Variants in GALNT13 observed in about 807,000 individuals in gnomAD.
The protein encoded by GALNT13 is polypeptide N-acetylgalactosaminyltransferase 13, also known as UDP-GalNAc:polypeptide N-acetylgalactosaminyltransferase 13.
Under a neutral mutation model 64.2 loss-of-function variants are expected in GALNT13, and 28 were observed. The observed-to-expected ratio is 0.44, with a 90% CI of 0.32 to 0.60. GALNT13 has a LOEUF of 0.60. GALNT13 is among the 20% of genes least tolerant of loss of function. GALNT13 has a pLI of 0.05. For missense variants in GALNT13, 577 were observed against 669.8 expected (o/e 0.86, Z 1.53); for synonymous variants, 214 against 224.6 (o/e 0.95, Z 0.42).
chr2:153,936,849 T>C (rs1690963793), intron 2 of GALNT13, among the ~76,000 whole-genome samples: 1 of 151,996 alleles, frequency 6.6e-6, no homozygotes, highest in African/African-American at 2.4e-5. Flanking sequence ...GCCTCCTGAG[T>C]AGCTGGGACT....
the GALNT13 span, among the ~76,000 whole-genome samples, chr2:153,250,393 A>C: frequency 6.6e-6 from 1 of 152,222 alleles, no homozygotes; most frequent in African/African-American, 2.4e-5. Context: ...CAGATGCTGG[A>C]GAGGATGTGG....
chr2:153,972,355 G>T (rs1389453874), intron 3 of GALNT13, among the ~76,000 whole-genome samples: 1 of 152,038 alleles, frequency 6.6e-6, no homozygotes, highest in Admixed American at 6.6e-5. Flanking sequence ...ATATTGATGT[G>T]ACACTAAGAA....
chr2:153,764,145 A>G, the GALNT13 span, among the ~76,000 whole-genome samples: 1 of 152,216 alleles, frequency 6.6e-6, no homozygotes, highest in Non-Finnish European at 1.5e-5. Flanking sequence ...AGAGATTGGC[A>G]TCATTTCTCC....
At chr2:153,430,203 C>T in the GALNT13 span, among the ~76,000 whole-genome samples, 6 of 151,950 alleles carry the variant, frequency 3.9e-5, no homozygotes, top group African/African-American at 1.4e-4. Flanking sequence ...TACTTTGAAC[C>T]CTAGAGCACA....
At chr2:153,196,605 G>C in the GALNT13 span, among the ~76,000 whole-genome samples, 1 of 152,050 alleles carries the variant, frequency 6.6e-6, no homozygotes, top group Non-Finnish European at 1.5e-5. Flanking sequence ...GCTCCTGCCT[G>C]CTCCATGGAG....
chr2:154,077,168 G>C (rs1225939902), intron 3 of GALNT13, among the ~76,000 whole-genome samples: 1 of 151,550 alleles, frequency 6.6e-6, no homozygotes, highest in African/African-American at 2.4e-5. Context: ...GTGCTTAGTG[G>C]AGGAATGTAT....
the GALNT13 span, among the ~76,000 whole-genome samples, chr2:153,539,954 A>G: frequency 2.8e-4 from 43 of 152,232 alleles, no homozygotes; most frequent in African/African-American, 9.2e-4. Flanking sequence ...ATGGTAGAAA[A>G]GAAAAACCCA....
intron 3 of GALNT13, among the ~76,000 whole-genome samples, chr2:153,988,579 C>T (rs1231819092): frequency 1.3e-5 from 2 of 151,750 alleles, no homozygotes; most frequent in Non-Finnish European, 2.9e-5. Context: ...TTTTGATGGG[C>T]ACATAGGTTG....
the GALNT13 span, among the ~76,000 whole-genome samples, chr2:153,387,399 G>C: frequency 6.6e-6 from 1 of 151,998 alleles, no homozygotes; most frequent in Non-Finnish European, 1.5e-5. Context: ...CTTTTATTTA[G>C]AATGTTCCTC....
At chr2:153,630,329 T>G in the GALNT13 span, among the ~76,000 whole-genome samples, 1 of 151,974 alleles carries the variant, frequency 6.6e-6, no homozygotes, top group African/African-American at 2.4e-5. Flanking sequence ...TAAAAAATGA[T>G]GAGTTCATGT....
chr2:154,328,859 A>G (rs939771903), intron 9 of GALNT13, among the ~76,000 whole-genome samples: 2 of 152,102 alleles, frequency 1.3e-5, no homozygotes, highest in African/African-American at 4.8e-5. Context: ...GTTTGTATCA[A>G]TTCTGTCTGT....
the GALNT13 span, among the ~76,000 whole-genome samples, chr2:153,799,925 GC>G: frequency 6.6e-6 from 1 of 152,078 alleles, no homozygotes; most frequent in Non-Finnish European, 1.5e-5. Context: ...TTTTTGTCAG[GC>G]ATTGAACATT....
At chr2:154,126,560 G>A (rs1324234101) in intron 3 of GALNT13, among the ~76,000 whole-genome samples, 1 of 151,746 alleles carries the variant, frequency 6.6e-6, no homozygotes, top group Non-Finnish European at 1.5e-5. Context: ...GCGTGAACCC[G>A]GGAGGCGGAG....
At chr2:154,354,138 A>G (rs1696577963) in intron 9 of GALNT13, among the ~76,000 whole-genome samples, 1 of 152,092 alleles carries the variant, frequency 6.6e-6, no homozygotes, top group Admixed American at 6.6e-5. Flanking sequence ...AGTGGTTTTC[A>G]TTTGCATATC....
chr2:154,070,823 A>G (rs981532073), intron 3 of GALNT13, among the ~76,000 whole-genome samples: 7 of 152,026 alleles, frequency 4.6e-5, no homozygotes, highest in Admixed American at 6.6e-5. Flanking sequence ...AGGCTGAGGC[A>G]GGAGAATTGC....
At chr2:154,064,857 A>G (rs1700378364) in intron 3 of GALNT13, among the ~76,000 whole-genome samples, 1 of 152,040 alleles carries the variant, frequency 6.6e-6, no homozygotes, top group African/African-American at 2.4e-5. Context: ...CAGAGTGAAG[A>G]GTAAAGGGGA....
chr2:153,240,946 A>T, the GALNT13 span, among the ~76,000 whole-genome samples: 6 of 152,204 alleles, frequency 3.9e-5, no homozygotes, highest in East Asian at 1.2e-3. Flanking sequence ...TAGTAGGAAG[A>T]GTCTTGATTC....
At chr2:154,180,113 A>T (rs1685872825) in intron 4 of GALNT13, among the ~76,000 whole-genome samples, 1 of 152,164 alleles carries the variant, frequency 6.6e-6, no homozygotes, top group Non-Finnish European at 1.5e-5. Flanking sequence ...CAACCCAAAC[A>T]CACATAATAC....
chr2:153,512,505 C>G, the GALNT13 span, among the ~76,000 whole-genome samples: 1 of 152,008 alleles, frequency 6.6e-6, no homozygotes, highest in Admixed American at 6.6e-5. Context: ...AGCTCTGGAG[C>G]CTAACTGTTT....
Sources: allele counts gnomAD v4.1 joint callset (sites outside exome capture counted in the v4.1 genomes callset), GRCh38; gene constraint gnomAD v4.1.1; transcripts MANE v1.5; gene names NCBI Gene and HGNC (gene_info 2026-07-23, HGNC 2026-07-21).